Variants in COPS4 observed in about 807,000 individuals in gnomAD.
COPS4 encodes the protein COP9 signalosome complex subunit 4.
A neutral mutation model predicts 55.1 loss-of-function variants in COPS4; 8 were observed. That is an observed-to-expected ratio of 0.15 (90% CI 0.09 to 0.26). The LOEUF (loss-of-function observed/expected upper bound fraction) is 0.26. COPS4 is among the 10% of genes least tolerant of loss of function. The pLI is 1.00. For synonymous variants in COPS4, 185 were observed against 165.7 expected (o/e 1.12, Z -0.90); for missense variants, 248 against 484.0 (o/e 0.51, Z 4.58).
intron 1 of COPS4, among the ~76,000 whole-genome samples, chr4:83,043,033 A>G (rs1306232528): frequency 6.6e-6 from 1 of 151,726 alleles, no homozygotes; most frequent in Non-Finnish European, 1.5e-5. Flanking sequence ...TACAGGCATG[A>G]GCCACTGCGA....
intron 8 of COPS4, 80 bp from the exon 9 acceptor site, chr4:83,068,358 G>T: frequency 2.2e-6 from 2 of 920,338 alleles, no homozygotes. Flanking sequence ...AGTTAAACCA[G>T]AAGCTTTCTG....
intron 7 of COPS4, among the ~76,000 whole-genome samples, chr4:83,063,866 C>T (rs867634931): frequency 3.9e-5 from 6 of 152,076 alleles, no homozygotes; most frequent in African/African-American, 7.2e-5. Flanking sequence ...TGCGCCACCA[C>T]GCCCGGCTAA....
At chr4:83,037,548 A>G (rs529054833) in intron 1 of COPS4, among the ~76,000 whole-genome samples, 13 of 152,200 alleles carry the variant, frequency 8.5e-5, no homozygotes, top group Non-Finnish European at 1.0e-4. Flanking sequence ...TGCATTTCCT[A>G]TGTGGGCAAG....
intron 1 of COPS4, chr4:83,036,012 G>C (rs1730406995): frequency 6.6e-6 from 1 of 152,300 alleles, no homozygotes; most frequent in Non-Finnish European, 1.5e-5. Context: ...GCAAGCAGTT[G>C]TCAACAGTAT....
intron 8 of COPS4, among the ~76,000 whole-genome samples, chr4:83,067,563 T>C (rs1484801653): frequency 6.7e-6 from 1 of 149,660 alleles, no homozygotes; most frequent in Non-Finnish European, 1.5e-5. Flanking sequence ...AGGGTCTTGC[T>C]ATGTTGCCCA....
intron 4 of COPS4, among the ~76,000 whole-genome samples, chr4:83,055,131 T>G (rs1387126233): frequency 6.6e-6 from 1 of 152,284 alleles, no homozygotes; most frequent in Non-Finnish European, 1.5e-5. Context: ...TTATAAACTC[T>G]GTGTTCTTGC....
intron 9 of COPS4, among the ~76,000 whole-genome samples, chr4:83,072,329 A>G (rs947118156): frequency 1.3e-5 from 2 of 148,644 alleles, no homozygotes; most frequent in African/African-American, 5.0e-5. Flanking sequence ...TGAACTCCCA[A>G]CCTCAGGTGA....
chr4:83,060,507 C>T (rs1004013527), intron 6 of COPS4, among the ~76,000 whole-genome samples: 1 of 151,504 alleles, frequency 6.6e-6, no homozygotes, highest in Non-Finnish European at 1.5e-5. Flanking sequence ...GGGGTTTCAC[C>T]GCGTTAGCCA....
intron 1 of COPS4, among the ~76,000 whole-genome samples, chr4:83,043,121 T>G (rs6830020): frequency 0.99 from 151,353 of 152,208 alleles, 75,256 homozygotes; most frequent in Middle Eastern, 1. Context: ...TTATATAATT[T>G]GATGAGTATA....
chr4:83,049,619 A>G, intron 3 of COPS4: 1 of 462,538 alleles, frequency 2.2e-6, no homozygotes, highest in Non-Finnish European at 3.8e-6. Context: ...TCGTGTATGC[A>G]GGAACATACA....
intron 1 of COPS4, among the ~76,000 whole-genome samples, chr4:83,045,339 CAG>C (rs1177919056): frequency 1.8e-4 from 27 of 152,070 alleles, no homozygotes; most frequent in Admixed American, 1.8e-3. Flanking sequence ...GATTCAGTAA[CAG>C]AATTATAGAT....
chr4:83,050,757 G>T (rs916684900), intron 4 of COPS4, among the ~76,000 whole-genome samples: 1 of 152,196 alleles, frequency 6.6e-6, no homozygotes, highest in African/African-American at 2.4e-5. Flanking sequence ...TCAGGGATGA[G>T]AGTAGAGAGT....
At chr4:83,060,271 C>T (rs1245503474) in intron 6 of COPS4, among the ~76,000 whole-genome samples, 1 of 151,048 alleles carries the variant, frequency 6.6e-6, no homozygotes, top group Non-Finnish European at 1.5e-5. Flanking sequence ...GCAAGCTCCG[C>T]CTCCTGGGTT....
chr4:83,048,312 C>T lies in COPS4; in HGVS notation c.155-854C>T, dbSNP rs140832422. Among the ~76,000 whole-genome samples, 1,045 of 152,152 alleles carry T rather than the reference C, an allele frequency of 6.9e-3. 8 individuals carry two copies. The highest frequency in any genetic ancestry group is 0.023 in the African/African-American group (971 of 41,520). ...AGCTTAATCACATAAAATAATACCTCGTAAATGTTTATAAATAATGTCAAT... is the reference window on the plus strand; with the variant it reads ...AGCTTAATCACATAAAATAATACCTTGTAAATGTTTATAAATAATGTCAAT... On this transcript the variant is annotated intron_variant, in intron 2 of 9. Coordinates refer to ENST00000264389, the MANE Select transcript of COPS4 (RefSeq NM_016129.3).
At chr4:83,074,619 C>T (rs1054420799) in intron 9 of COPS4, among the ~76,000 whole-genome samples, 1 of 150,646 alleles carries the variant, frequency 6.6e-6, no homozygotes, top group South Asian at 2.1e-4. Flanking sequence ...CCCGCCACCA[C>T]GCCCGGCTAA....
chr4:83,072,689 T>C (rs1731466179), intron 9 of COPS4, among the ~76,000 whole-genome samples: 1 of 152,232 alleles, frequency 6.6e-6, no homozygotes, highest in South Asian at 2.1e-4. Context: ...CAAGTATCAT[T>C]TATTAAATAA....
At chr4:83,066,615 A>G (rs1731299653) in intron 8 of COPS4, 62 bp downstream of exon 8, 4 of 749,848 alleles carry the variant, frequency 5.3e-6, no homozygotes, top group Admixed American at 2.8e-5. Flanking sequence ...TAAAATAATG[A>G]GAAAATAAAA....
intron 4 of COPS4, among the ~76,000 whole-genome samples, chr4:83,054,466 C>T (rs980164335): frequency 1.3e-5 from 2 of 152,216 alleles, no homozygotes; most frequent in Non-Finnish European, 2.9e-5. Context: ...GCAGACACTG[C>T]TTCAGACATC....
intron 4 of COPS4, among the ~76,000 whole-genome samples, chr4:83,056,185 G>A (rs1163934465): frequency 1.3e-5 from 2 of 152,010 alleles, no homozygotes; most frequent in African/African-American, 2.4e-5. Context: ...ACCTGCCTAG[G>A]CATCCCAAAT....
Sources: gnomAD v4.1 joint callset for allele counts (sites outside exome capture counted in the v4.1 genomes callset) on GRCh38, gnomAD v4.1.1 for gene constraint, MANE v1.5 for transcripts, NCBI Gene and HGNC (gene_info 2026-07-23, HGNC 2026-07-21) for gene names.